The following BAZ2B variants were observed in gnomAD, a reference collection of about 807,000 sequenced individuals.
BAZ2B encodes the protein bromodomain adjacent to zinc finger domain 2B, also known as bromodomain adjacent to zinc finger domain protein 2B.
Under a neutral mutation model 246.0 loss-of-function variants are expected in BAZ2B, and 91 were observed. The observed-to-expected ratio is 0.37, with a 90% CI of 0.31 to 0.44. The LOEUF (loss-of-function observed/expected upper bound fraction) is 0.44, where lower values mean the gene tolerates loss of function less well. BAZ2B is among the 20% of genes least tolerant of loss of function. BAZ2B has a pLI of 1.00. For synonymous variants in BAZ2B, 855 were observed against 860.0 expected, an observed-to-expected ratio of 0.99 and a Z score of 0.10; for missense variants, 2,332 against 2,533.7, an observed-to-expected ratio of 0.92 and a Z score of 1.71.
chr2:159,585,809 G>T (rs1482496405), intron 1 of BAZ2B, among the ~76,000 whole-genome samples: 1 of 152,246 alleles, frequency 6.6e-6, no homozygotes, highest in African/African-American at 2.4e-5. Flanking sequence ...AATGGTGCCA[G>T]CCAGACTGCT....
chr2:159,460,403 T>A (rs1201158499), intron 3 of BAZ2B: 2 of 152,108 alleles, frequency 1.3e-5, no homozygotes, highest in Non-Finnish European at 2.9e-5. Flanking sequence ...CTCAATCTTT[T>A]TAAAAGTCAA....
the BAZ2B span, among the ~76,000 whole-genome samples, chr2:159,641,298 G>T: frequency 1.3e-5 from 2 of 152,154 alleles, no homozygotes; most frequent in Admixed American, 1.3e-4. Context: ...GTTTTGAGTT[G>T]CATTTGTCTA....
intron 2 of BAZ2B, among the ~76,000 whole-genome samples, chr2:159,540,467 C>G (rs1471212634): frequency 2.6e-5 from 4 of 152,186 alleles, no homozygotes; most frequent in African/African-American, 9.6e-5. Flanking sequence ...CACCTCAGGG[C>G]ACACACTAGC....
intron 2 of BAZ2B, among the ~76,000 whole-genome samples, chr2:159,524,038 A>G (rs957283318): frequency 3.9e-5 from 6 of 152,186 alleles, no homozygotes; most frequent in African/African-American, 1.2e-4. Flanking sequence ...AAAAAAATAC[A>G]TATAAAAAAC....
chr2:159,673,604 TA>T, the BAZ2B span, among the ~76,000 whole-genome samples: 1 of 152,006 alleles, frequency 6.6e-6, no homozygotes, highest in African/African-American at 2.4e-5. Flanking sequence ...GAAAAACACA[TA>T]AATGCTCTTA....
chr2:159,639,293 T>C, the BAZ2B span, among the ~76,000 whole-genome samples: 1 of 152,168 alleles, frequency 6.6e-6, no homozygotes, highest in Admixed American at 6.5e-5. Flanking sequence ...CTTAAAGGGA[T>C]TTCCTCAATC....
chr2:159,468,848 G>A (rs1310679848), intron 3 of BAZ2B, among the ~76,000 whole-genome samples: 2 of 152,024 alleles, frequency 1.3e-5, no homozygotes, highest in Non-Finnish European at 2.9e-5. Flanking sequence ...TTCAAGACCA[G>A]CATGGCCAAC....
At chr2:159,571,846 A>G (rs1559804570) in intron 1 of BAZ2B, among the ~76,000 whole-genome samples, 1 of 152,218 alleles carries the variant, frequency 6.6e-6, no homozygotes, top group Non-Finnish European at 1.5e-5. Flanking sequence ...TCTCTTGATC[A>G]GGAGCCTACT....
At position 159,600,694 on chromosome 2, in the gene BAZ2B, TAGTA is replaced by T. The variant is rs558519595; in HGVS notation, c.-46+15544_-46+15547del. On this transcript the variant is annotated intron_variant, in intron 1 of 36. Coordinates refer to ENST00000392783, the MANE Select transcript of BAZ2B (RefSeq NM_013450.4). ...CCCTAAGAGGGCAAGGTTCACAATT[TAGTA>T]AGTAAGAGAATATTCAGAAATGTCC... is the stretch of plus-strand genomic sequence containing the variant. Among the ~76,000 whole-genome samples the T allele has an allele frequency of 2.5e-3, 379 of 152,294 alleles. 1 individual carries two copies. The highest frequency in any genetic ancestry group is 8.7e-3 in the African/African-American group (362 of 41,550).
chr2:159,701,899 T>C, the BAZ2B span, among the ~76,000 whole-genome samples: 1 of 151,932 alleles, frequency 6.6e-6, no homozygotes, highest in South Asian at 2.1e-4. Context: ...CAGCTAATTT[T>C]TGTATTTTTA....
chr2:159,482,150 CAA>C (rs2079307712), intron 2 of BAZ2B, among the ~76,000 whole-genome samples: 1 of 143,878 alleles, frequency 7.0e-6, no homozygotes, highest in Admixed American at 6.8e-5. Flanking sequence ...AAAAAACCCA[CAA>C]AGTCTTCCAT....
At chr2:159,511,215 T>C (rs1461436157) in intron 2 of BAZ2B, among the ~76,000 whole-genome samples, 2 of 152,168 alleles carry the variant, frequency 1.3e-5, no homozygotes, top group African/African-American at 4.8e-5. Context: ...TCTTTCTTTC[T>C]TTTTTGAGAT....
At chr2:159,669,056 T>G in the BAZ2B span, among the ~76,000 whole-genome samples, 1 of 123,006 alleles carries the variant, frequency 8.1e-6, no homozygotes, top group Admixed American at 7.4e-5. Context: ...AGACTCCGTC[T>G]CAAAAAAAAA....
In BAZ2B at chr2:159,433,010, T is replaced by G; in HGVS notation, c.1647A>C (p.Thr549=). ...TGGGAGAGGCAGAGGGCATTACAGG[T>G]GTCTGATTGCCAGGGGTTCTTCTCC... ...TSGRRTPGNQ[T]PVMPSASPIL... The change falls in exon 9 of 37, where the codon ACA becomes ACC. Residue 549 remains threonine (T), a synonymous_variant. Transcript: ENST00000392783. 1 of 1,614,206 alleles carries G rather than the reference T, an allele frequency of 6.2e-7. No homozygotes were observed. The highest frequency in any genetic ancestry group is 1.3e-5 in the African/African-American group (1 of 75,058).
Position 159,453,750 on chromosome 2 carries a change from G to C in BAZ2B, c.197C>G (p.Ser66Trp). ...GDQPFNLSTV[S>W]SAFPMVSHPV... ...GTGGCTGACCATTGGGAAGGCACTC[G>C]ACACTGTGGACAGGTTAAACGGTTG... The change falls in exon 4 of 37, where the codon TCG becomes TGG. Residue 66 changes from serine (S) to tryptophan (W), a missense_variant. By Grantham distance (177) the Ser-to-Trp change is radical. Coordinates refer to ENST00000392783, the MANE Select transcript of BAZ2B (RefSeq NM_013450.4). 6.2e-7 allele frequency: 1 copy of C among 1,613,076 alleles called. No homozygotes were observed. The highest frequency in any genetic ancestry group is 8.5e-7 in the Non-Finnish European group (1 of 1,179,544).
chr2:159,519,032 G>C (rs150647281), intron 2 of BAZ2B, among the ~76,000 whole-genome samples: 1 of 152,048 alleles, frequency 6.6e-6, no homozygotes, highest in East Asian at 1.9e-4. Flanking sequence ...TCACATAAAA[G>C]TTTCTTTTAA....
the BAZ2B span, among the ~76,000 whole-genome samples, chr2:159,668,585 TTTTG>T: frequency 6.6e-6 from 1 of 152,176 alleles, no homozygotes; most frequent in Admixed American, 6.5e-5. Context: ...TACATGTTTA[TTTTG>T]TTTTTCTTTT....
intron 2 of BAZ2B, among the ~76,000 whole-genome samples, chr2:159,508,063 G>A (rs2082518059): frequency 6.6e-6 from 1 of 152,070 alleles, no homozygotes; most frequent in African/African-American, 2.4e-5. Flanking sequence ...CAGAGATGGG[G>A]TTTCGTCATG....
chr2:159,586,954 A>G (rs1688147909), intron 1 of BAZ2B, among the ~76,000 whole-genome samples: 4 of 152,244 alleles, frequency 2.6e-5, no homozygotes, highest in Admixed American at 2.6e-4. Context: ...TACATCTTCC[A>G]GAATGCCAAT....
Sources: gnomAD v4.1 joint callset for allele counts (sites outside exome capture counted in the v4.1 genomes callset) on GRCh38, gnomAD v4.1.1 for gene constraint, MANE v1.5 for transcripts, NCBI Gene and HGNC (gene_info 2026-07-23, HGNC 2026-07-21) for gene names.